DTNB: variants seen among roughly 807,000 people sequenced by gnomAD.
DTNB encodes the protein DTN-B.
DTNB carries 63 observed loss-of-function variants against 90.7 expected under a neutral mutation model. The observed-to-expected ratio is 0.69, with a 90% CI of 0.57 to 0.86. The LOEUF (loss-of-function observed/expected upper bound fraction) is 0.86. Among genes scored for constraint, DTNB ranks in the 40% least tolerant of loss-of-function variants. The probability of loss-of-function intolerance (pLI) is 0.00; values close to 1 mark genes in which losing one functional copy is unlikely to be tolerated. For missense variants in DTNB, 744 were observed against 807.1 expected, an observed-to-expected ratio of 0.92 and a Z score of 0.95; for synonymous variants, 277 against 286.7, an observed-to-expected ratio of 0.97 and a Z score of 0.34.
intron 6 of DTNB, among the ~76,000 whole-genome samples, chr2:25,590,405 G>A (rs545818255): frequency 2.6e-5 from 4 of 152,270 alleles, no homozygotes; most frequent in South Asian, 4.1e-4. Context: ...AGAACAGTTC[G>A]GAGGAGACTC....
chr2:25,386,941 C>T lies in DTNB; in HGVS notation c.1825+348G>A, dbSNP rs186889820. On this transcript the variant is annotated intron_variant, in intron 18 of 20. Coordinates refer to ENST00000406818, the MANE Select transcript of DTNB (RefSeq NM_021907.5). ...CAGGGAAGTTTCAGAATGAGGTGGTCGGTCAGGCCTAGGGAGAGAGCGGCT... is the reference window on the plus strand; with the variant it reads ...CAGGGAAGTTTCAGAATGAGGTGGTTGGTCAGGCCTAGGGAGAGAGCGGCT... 2.6e-4 allele frequency among the ~76,000 whole-genome samples: 40 copies of T among 152,252 alleles called. No homozygotes were observed. The East Asian group carries it at 7.5e-3, about 29-fold the overall frequency.
intron 9 of DTNB, among the ~76,000 whole-genome samples, chr2:25,518,122 C>G (rs596173): frequency 1.3e-5 from 2 of 152,050 alleles, no homozygotes; most frequent in Non-Finnish European, 2.9e-5. Flanking sequence ...TTAACAACAA[C>G]ACGATTACAC....
intron 9 of DTNB, among the ~76,000 whole-genome samples, chr2:25,488,849 C>T (rs971898526): frequency 2.0e-5 from 3 of 152,182 alleles, no homozygotes; most frequent in African/African-American, 7.2e-5. Flanking sequence ...CGGGGTTTCG[C>T]CATGTTGGCC....
intron 6 of DTNB, among the ~76,000 whole-genome samples, chr2:25,587,653 A>T (rs181609607): frequency 1.3e-5 from 2 of 152,190 alleles, no homozygotes; most frequent in Non-Finnish European, 2.9e-5. Context: ...TCCTTTTCTA[A>T]AAAGAAAACA....
intron 9 of DTNB, among the ~76,000 whole-genome samples, chr2:25,483,932 A>C (rs1217364665): frequency 2.0e-5 from 3 of 152,224 alleles, no homozygotes; most frequent in Non-Finnish European, 2.9e-5. Flanking sequence ...CTATGTTTAG[A>C]TACATAAATA....
chr2:25,625,163 T>G, intron 4 of DTNB, among the ~76,000 whole-genome samples: 1 of 152,196 alleles, frequency 6.6e-6, no homozygotes, highest in East Asian at 1.9e-4. Context: ...GCTTTCAAAC[T>G]TTAACCTTAT....
chr2:25,462,977 A>G (rs1469894952), intron 10 of DTNB, among the ~76,000 whole-genome samples: 1 of 152,180 alleles, frequency 6.6e-6, no homozygotes, highest in African/African-American at 2.4e-5. Context: ...TGCTGGGATT[A>G]CAGGCGTGAG....
chr2:25,632,563 C>T (rs770725976), intron 3 of DTNB, among the ~76,000 whole-genome samples: 3 of 152,142 alleles, frequency 2.0e-5, no homozygotes, highest in African/African-American at 4.8e-5. Flanking sequence ...AATGAGTTAT[C>T]ATGGGAGTAG....
chr2:25,425,922 A>C lies in DTNB; in HGVS notation c.1554+1613T>G, dbSNP rs568637958. Among the ~76,000 whole-genome samples, 303 of 152,320 alleles carry C rather than the reference A, an allele frequency of 2.0e-3. 1 individual carries two copies. The highest frequency in any genetic ancestry group is 7.0e-3 in the African/African-American group (291 of 41,556). On this transcript the variant is annotated intron_variant, in intron 15 of 20. Transcript: ENST00000406818. Reference sequence around the variant, plus strand: ...GGGTTGTAATATAACTTTCAACAACAATAGATAGACTTCATATGCCTGTAG... The same window carrying C: ...GGGTTGTAATATAACTTTCAACAACCATAGATAGACTTCATATGCCTGTAG...
intron 19 of DTNB, among the ~76,000 whole-genome samples, chr2:25,381,456 T>C (rs754629480): frequency 6.6e-6 from 1 of 152,194 alleles, no homozygotes; most frequent in Non-Finnish European, 1.5e-5. Context: ...TATAGCTCAC[T>C]GCAGCCTTAA....
At chr2:25,505,368 G>A (rs1014052916) in intron 9 of DTNB, among the ~76,000 whole-genome samples, 1 of 152,158 alleles carries the variant, frequency 6.6e-6, no homozygotes, top group Non-Finnish European at 1.5e-5. Context: ...ACTGTAGACA[G>A]AGCTGAACTT....
chr2:25,430,784 A>C (rs547139100), intron 14 of DTNB, among the ~76,000 whole-genome samples: 1 of 152,304 alleles, frequency 6.6e-6, no homozygotes, highest in East Asian at 1.9e-4. Context: ...TCATATTATG[A>C]GTTCTCAAAT....
intron 2 of DTNB, chr2:25,639,473 ACTGTGGCCATGCCCCGTGG>A (rs58776104): frequency 0.16 from 25,184 of 161,218 alleles, 2,686 homozygotes; most frequent in East Asian, 0.58. Flanking sequence ...ACAGAATACG[ACTGTGGCCATGCCCCGTGG>A]CTGTGGCCAT....
At chr2:25,462,517 C>CCCT (rs2150218791) in intron 10 of DTNB, among the ~76,000 whole-genome samples, 1 of 152,116 alleles carries the variant, frequency 6.6e-6, no homozygotes, top group Admixed American at 6.5e-5. Flanking sequence ...ATGCTTAGTC[C>CCCT]CCTCATCTGT....
At chr2:25,416,478 T>C (rs1202869595) in intron 16 of DTNB, among the ~76,000 whole-genome samples, 1 of 152,036 alleles carries the variant, frequency 6.6e-6, no homozygotes, top group Non-Finnish European at 1.5e-5. Context: ...CCGAGACCAG[T>C]GTGGACAACA....
At chr2:25,633,433 C>T (rs1305831083) in intron 3 of DTNB, among the ~76,000 whole-genome samples, 2 of 152,102 alleles carry the variant, frequency 1.3e-5, no homozygotes, top group East Asian at 1.9e-4. Context: ...CTCGAGGTGC[C>T]GGGATTGCAG....
At chr2:25,479,354 G>T (rs2064422374) in intron 10 of DTNB, among the ~76,000 whole-genome samples, 1 of 152,212 alleles carries the variant, frequency 6.6e-6, no homozygotes, top group Admixed American at 6.5e-5. Context: ...GGAAAAAGAG[G>T]TCTAGACGCG....
intron 9 of DTNB, among the ~76,000 whole-genome samples, chr2:25,512,469 C>A (rs2074146863): frequency 6.6e-6 from 1 of 152,142 alleles, no homozygotes; most frequent in Non-Finnish European, 1.5e-5. Context: ...ATGTACAATC[C>A]CAGCCCTTAA....
chr2:25,394,816 A>G (rs1403360559), intron 16 of DTNB, among the ~76,000 whole-genome samples: 2 of 152,234 alleles, frequency 1.3e-5, no homozygotes, highest in African/African-American at 4.8e-5. Context: ...TATGAAAAAC[A>G]GTGTGGTGAT....
Sources: gnomAD v4.1 joint callset for allele counts (sites outside exome capture counted in the v4.1 genomes callset) on GRCh38, gnomAD v4.1.1 for gene constraint, MANE v1.5 for transcripts, NCBI Gene and HGNC (gene_info 2026-07-23, HGNC 2026-07-21) for gene names.